GRAMD2B: variants seen among roughly 807,000 people sequenced by gnomAD.
The protein encoded by GRAMD2B is GRAM domain-containing protein 2B.
A neutral mutation model predicts 59.2 loss-of-function variants in GRAMD2B; 41 were observed. The ratio of observed to expected loss-of-function variants is 0.69; its 90% confidence interval spans 0.54 to 0.90. The LOEUF (loss-of-function observed/expected upper bound fraction) is 0.90, where lower values mean the gene tolerates loss of function less well. Ranked by LOEUF, GRAMD2B falls within the 40% of genes least tolerant of loss-of-function variation. The pLI, the probability that GRAMD2B is intolerant of heterozygous loss-of-function variation, is 0.00. For missense variants in GRAMD2B, 424 were observed against 500.5 expected (o/e 0.85, Z 1.46); for synonymous variants, 161 against 182.7 (o/e 0.88, Z 0.96).
intron 1 of GRAMD2B, among the ~76,000 whole-genome samples, chr5:126,460,711 C>T (rs766066475): frequency 2.0e-5 from 3 of 152,226 alleles, no homozygotes; most frequent in Admixed American, 6.5e-5. Flanking sequence ...ATAGGCAGCA[C>T]TCCAAAAACA....
chr5:126,443,935 C>A (rs1264482791), intron 1 of GRAMD2B, among the ~76,000 whole-genome samples: 2 of 151,860 alleles, frequency 1.3e-5, no homozygotes, highest in Non-Finnish European at 2.9e-5. Flanking sequence ...GCCTGTAATC[C>A]CAGCTACTAG....
chr5:126,426,365 A>G (rs1337732130), intron 1 of GRAMD2B, among the ~76,000 whole-genome samples: 1 of 152,030 alleles, frequency 6.6e-6, no homozygotes. Context: ...GCCTTCCTTC[A>G]TTACTGGCCA....
intron 1 of GRAMD2B, among the ~76,000 whole-genome samples, chr5:126,391,103 G>A (rs774571769): frequency 2.6e-5 from 4 of 151,884 alleles, no homozygotes; most frequent in Non-Finnish European, 5.9e-5. Context: ...AAAAGCATGA[G>A]TGACAAAAAA....
intron 1 of GRAMD2B, among the ~76,000 whole-genome samples, chr5:126,381,991 T>G (rs1292825871): frequency 6.6e-6 from 1 of 152,136 alleles, no homozygotes; most frequent in Non-Finnish European, 1.5e-5. Context: ...TGCTGATAAT[T>G]GTCTTGTTTA....
chr5:126,439,815 A>G (rs1478164653), intron 1 of GRAMD2B, among the ~76,000 whole-genome samples: 3 of 152,132 alleles, frequency 2.0e-5, no homozygotes, highest in Admixed American at 2.0e-4. Flanking sequence ...GTGGGAGGTA[A>G]TTGAATCATG....
At chr5:126,412,009 G>A (rs959524952) in intron 1 of GRAMD2B, among the ~76,000 whole-genome samples, 6 of 151,980 alleles carry the variant, frequency 3.9e-5, no homozygotes, top group Non-Finnish European at 7.4e-5. Flanking sequence ...GAGTCTTTAG[G>A]CAGAGTCTTT....
chr5:126,436,733 G>A (rs1242566151), intron 1 of GRAMD2B, among the ~76,000 whole-genome samples: 2 of 152,288 alleles, frequency 1.3e-5, no homozygotes, highest in South Asian at 2.1e-4. Flanking sequence ...TCAATCTACT[G>A]TGTTATGTAC....
At chr5:126,417,417 G>T (rs930349357) in intron 1 of GRAMD2B, among the ~76,000 whole-genome samples, 5 of 152,242 alleles carry the variant, frequency 3.3e-5, no homozygotes, top group Middle Eastern at 3.2e-3. Flanking sequence ...ACACTGAAAT[G>T]CTCAGCTAGC....
At position 126,486,899 on chromosome 5, in the gene GRAMD2B, TC is replaced by T. The variant is rs754956123; in HGVS notation, c.1086del (p.Tyr363ThrfsTer2). The T allele has an allele frequency of 6.2e-7, 1 of 1,612,208 alleles. No homozygotes were observed. The highest frequency in any genetic ancestry group is 8.5e-7 in the Non-Finnish European group (1 of 1,178,552). Reference protein sequence around the residue: ...IVVCALIISTFYMRYRINTLE... With the variant: ...IVVCALIISTXYMRYRINTLE... ...GTCTGTGCACTAATCATCTCGACCTTCTACATGAGATACAGAATTAATACTC... is the reference window on the plus strand; with the variant it reads ...GTCTGTGCACTAATCATCTCGACCTTTACATGAGATACAGAATTAATACTC... On this transcript the variant is annotated frameshift_variant, in exon 12 of 14. Transcript: ENST00000285689. LOFTEE classifies it high-confidence loss of function.
intron 1 of GRAMD2B, among the ~76,000 whole-genome samples, chr5:126,462,681 A>C (rs1767591492): frequency 6.6e-6 from 1 of 152,222 alleles, no homozygotes; most frequent in Non-Finnish European, 1.5e-5. Flanking sequence ...AACTTGGTTT[A>C]GTGCTGGATA....
rs550580341 is a variant in GRAMD2B, at chr5:126,363,339, A to C, written c.128+2880A>C. On this transcript the variant is annotated intron_variant, in intron 1 of 13. Coordinates refer to the GRAMD2B transcript ENST00000513040. ...AAAAGAAGTGTTGGCAAGCATGTGG[A>C]GAAACTGGAACTCTCATCCACTGCT... 1.8e-3 allele frequency among the ~76,000 whole-genome samples: 281 copies of C among 152,274 alleles called. 2 individuals are homozygous for C. Among genetic ancestry groups the C allele is most frequent in the Non-Finnish European group, 3.0e-3 (204 of 68,000 alleles).
intron 1 of GRAMD2B, among the ~76,000 whole-genome samples, chr5:126,390,705 G>A (rs1439892952): frequency 6.6e-6 from 1 of 152,106 alleles, no homozygotes; most frequent in Non-Finnish European, 1.5e-5. Context: ...TCTTGAGTTG[G>A]TCCAGCCAGT....
intron 1 of GRAMD2B, among the ~76,000 whole-genome samples, chr5:126,444,758 G>A (rs10052839): frequency 0.087 from 13,229 of 152,142 alleles, 1,777 homozygotes; most frequent in African/African-American, 0.29. Context: ...TACATAGGTA[G>A]ACGGGTGCCA....
intron 1 of GRAMD2B, among the ~76,000 whole-genome samples, chr5:126,381,121 T>G (rs1267006130): frequency 2.0e-5 from 3 of 152,218 alleles, no homozygotes; most frequent in Non-Finnish European, 4.4e-5. Context: ...CGATGCTAGA[T>G]TTTGTCAAAT....
At chr5:126,384,678 T>A (rs1274072850) in intron 1 of GRAMD2B, among the ~76,000 whole-genome samples, 1 of 152,226 alleles carries the variant, frequency 6.6e-6, no homozygotes, top group African/African-American at 2.4e-5. Context: ...GCTTCCCCAG[T>A]CATATCTGTT....
chr5:126,399,805 T>C (rs1757671464), intron 1 of GRAMD2B, among the ~76,000 whole-genome samples: 1 of 152,204 alleles, frequency 6.6e-6, no homozygotes, highest in African/African-American at 2.4e-5. Context: ...TGCTTTCTTT[T>C]GGTTACCATT....
chr5:126,365,502 T>G (rs1224386458), intron 1 of GRAMD2B, among the ~76,000 whole-genome samples: 1 of 152,220 alleles, frequency 6.6e-6, no homozygotes, highest in African/African-American at 2.4e-5. Flanking sequence ...TGAGGTCAAA[T>G]GTGTATGTTT....
At chr5:126,449,392 G>A (rs1764917477) in intron 1 of GRAMD2B, among the ~76,000 whole-genome samples, 1 of 152,114 alleles carries the variant, frequency 6.6e-6, no homozygotes, top group Non-Finnish European at 1.5e-5. Context: ...CTATATTGTT[G>A]ACACTAACAT....
rs1371348781 is a variant in GRAMD2B, at chr5:126,484,442, C to T, written c.888C>T (p.Ser296=). Residue 296 remains serine (S), a synonymous_variant, in exon 10 of 14, where the codon TCC becomes TCT. Transcript: ENST00000285689. ...AATCCCAAACAGTTCTGAATGTCTC[C>T]AAGGGAGAAGCAAAGCCAACTCGGG... ...ATESQTVLNV[S]KGEAKPTRAD... is the part of the protein sequence containing the mutation. 6.2e-7 allele frequency: 1 copy of T among 1,614,128 alleles called. No homozygotes were observed.
Sources: gnomAD v4.1 joint callset for allele counts (sites outside exome capture counted in the v4.1 genomes callset) on GRCh38, gnomAD v4.1.1 for gene constraint, MANE v1.5 for transcripts, NCBI Gene and HGNC (gene_info 2026-07-23, HGNC 2026-07-21) for gene names.